Variants in ABLIM3 observed in about 807,000 individuals in gnomAD.
The protein encoded by ABLIM3 is actin-binding LIM protein 3.
A neutral mutation model predicts 109.5 loss-of-function variants in ABLIM3; 61 were observed. The observed-to-expected ratio is 0.56, with a 90% CI of 0.45 to 0.69. The LOEUF (loss-of-function observed/expected upper bound fraction) is 0.69, where lower values mean the gene tolerates loss of function less well. ABLIM3 is among the 30% of genes least tolerant of loss of function. The pLI, the probability that ABLIM3 is intolerant of heterozygous loss-of-function variation, is 0.00. For missense variants in ABLIM3, 796 were observed against 889.5 expected (o/e 0.89, Z 1.34); for synonymous variants, 300 against 324.8 (o/e 0.92, Z 0.82).
At chr5:149,227,826 A>C (rs937131587) in intron 8 of ABLIM3, among the ~76,000 whole-genome samples, 2 of 152,240 alleles carry the variant, frequency 1.3e-5, no homozygotes, top group African/African-American at 4.8e-5. Flanking sequence ...CAACTGCCTA[A>C]GATAGAATGC....
At chr5:149,199,212 GT>G (rs1470858082) in intron 4 of ABLIM3, 1 of 443,708 alleles carries the variant, frequency 2.3e-6, no homozygotes, top group African/African-American at 2.0e-5. Flanking sequence ...TACATTAAAT[GT>G]TAATGGACAG....
intron 7 of ABLIM3, among the ~76,000 whole-genome samples, chr5:149,215,327 T>A (rs1389851835): frequency 1.3e-5 from 2 of 152,196 alleles, no homozygotes; most frequent in Non-Finnish European, 2.9e-5. Context: ...TTTGAACATA[T>A]TCGCTTTGAT....
chr5:149,237,738 C>T, intron 11 of ABLIM3, 135 bp downstream of exon 11: 3 of 1,155,290 alleles, frequency 2.6e-6, no homozygotes, highest in Non-Finnish European at 2.4e-6. Flanking sequence ...GGATTTATGG[C>T]CAACGTTTTT....
chr5:149,189,654 G>A (rs1373463753), intron 3 of ABLIM3, among the ~76,000 whole-genome samples: 1 of 152,144 alleles, frequency 6.6e-6, no homozygotes, highest in Non-Finnish European at 1.5e-5. Flanking sequence ...ACCACAATGA[G>A]ATGCCACTTC....
chr5:149,225,933 A>G (rs13155754), intron 8 of ABLIM3, among the ~76,000 whole-genome samples: 5 of 129,214 alleles, frequency 3.9e-5, no homozygotes, highest in Non-Finnish European at 4.8e-5. Flanking sequence ...ACATATATAT[A>G]TATATATGTA....
intron 5 of ABLIM3, among the ~76,000 whole-genome samples, chr5:149,203,405 G>A (rs1366738910): frequency 3.1e-5 from 3 of 96,462 alleles, no homozygotes; most frequent in Non-Finnish European, 9.0e-5. Context: ...GCAATCAGAT[G>A]CAGTAGCAGC....
At chr5:149,215,722 A>G (rs2963492) in intron 7 of ABLIM3, among the ~76,000 whole-genome samples, 72,595 of 151,890 alleles carry the variant, frequency 0.48, 17,692 homozygotes, top group East Asian at 0.6. Flanking sequence ...GTTGCAAAAT[A>G]TTTCTTCAAA....
At chr5:149,202,898 G>T (rs570015908) in intron 5 of ABLIM3, among the ~76,000 whole-genome samples, 17 of 151,750 alleles carry the variant, frequency 1.1e-4, no homozygotes, top group African/African-American at 3.4e-4. Context: ...AACATTGATT[G>T]ACTGTTACTA....
At chr5:149,247,619 G>A (rs1400421729) in intron 17 of ABLIM3, 163 bp from the exon 18 acceptor site, 16 of 934,006 alleles carry the variant, frequency 1.7e-5, no homozygotes, top group Non-Finnish European at 2.3e-5. Context: ...AGATGAGATT[G>A]CAACAGGAAA....
intron 2 of ABLIM3, chr5:149,164,207 G>T (rs187247149): frequency 1.3e-5 from 2 of 152,152 alleles, no homozygotes; most frequent in Admixed American, 6.5e-5. Context: ...TGGTTGTTTC[G>T]TGGGAACGAG....
chr5:149,213,310 C>T (rs1373142256), intron 7 of ABLIM3, among the ~76,000 whole-genome samples: 1 of 152,068 alleles, frequency 6.6e-6, no homozygotes, highest in Non-Finnish European at 1.5e-5. Context: ...ACAGTGAAAG[C>T]GACTCAGAAA....
intron 23 of ABLIM3, among the ~76,000 whole-genome samples, chr5:149,257,239 G>C (rs1340929958): frequency 6.6e-6 from 1 of 151,838 alleles, no homozygotes; most frequent in East Asian, 1.9e-4. Flanking sequence ...TGGGGTGGTG[G>C]AGTTTGCAGT....
chr5:149,211,014 A>G (rs1206368031), intron 7 of ABLIM3, among the ~76,000 whole-genome samples, 195 bp downstream of exon 7: 1 of 152,154 alleles, frequency 6.6e-6, no homozygotes, highest in Non-Finnish European at 1.5e-5. Context: ...GAAGGTAGAC[A>G]AAATTCTTCC....
At chr5:149,244,731 G>A (rs1288802561) in intron 15 of ABLIM3, 150 bp from the exon 16 acceptor site, 7 of 964,394 alleles carry the variant, frequency 7.3e-6, no homozygotes, top group South Asian at 1.6e-5. Context: ...TTCCAGCTCC[G>A]ATGCTCCATG....
intron 2 of ABLIM3, among the ~76,000 whole-genome samples, chr5:149,176,762 G>T (rs1755966659): frequency 6.6e-6 from 1 of 152,084 alleles, no homozygotes; most frequent in South Asian, 2.1e-4. Flanking sequence ...CTTCATGCAT[G>T]GCGTCACTTC....
At chr5:149,236,146 G>C (rs1762327801) in intron 10 of ABLIM3, among the ~76,000 whole-genome samples, 1 of 152,198 alleles carries the variant, frequency 6.6e-6, no homozygotes, top group Non-Finnish European at 1.5e-5. Context: ...ATACAGCCCA[G>C]GCAGTGTTCA....
intron 2 of ABLIM3, among the ~76,000 whole-genome samples, chr5:149,175,856 C>T (rs1221621040): frequency 6.6e-6 from 1 of 152,076 alleles, no homozygotes; most frequent in African/African-American, 2.4e-5. Flanking sequence ...AAGAGCATGC[C>T]GTTCTGACAC....
intron 6 of ABLIM3, among the ~76,000 whole-genome samples, chr5:149,208,569 T>C (rs1436922857): frequency 6.6e-6 from 1 of 152,134 alleles, no homozygotes. Context: ...AAGAGGCCTC[T>C]TTCCCAGGAA....
At chr5:149,241,285 G>A (rs7714706) in intron 14 of ABLIM3, among the ~76,000 whole-genome samples, 60,482 of 152,118 alleles carry the variant, frequency 0.4, 12,438 homozygotes, top group East Asian at 0.59. Flanking sequence ...TGGTATTTAC[G>A]TACTAATGTA....
Sources: allele counts gnomAD v4.1 joint callset (sites outside exome capture counted in the v4.1 genomes callset), GRCh38; gene constraint gnomAD v4.1.1; transcripts MANE v1.5; gene names NCBI Gene and HGNC (gene_info 2026-07-23, HGNC 2026-07-21).